The following MARCHF3 variants were observed in gnomAD, a reference collection of about 807,000 sequenced individuals.
The protein encoded by MARCHF3 is membrane associated ring-CH-type finger 3.
Under a neutral mutation model 24.2 loss-of-function variants are expected in MARCHF3, and 13 were observed. That is an observed-to-expected ratio of 0.54 (90% CI 0.35 to 0.85). The LOEUF (loss-of-function observed/expected upper bound fraction) is 0.85. MARCHF3 is among the 40% of genes least tolerant of loss of function. The probability of loss-of-function intolerance (pLI) is 0.01; values close to 1 mark genes in which losing one functional copy is unlikely to be tolerated. For synonymous variants in MARCHF3, 144 were observed against 137.3 expected (o/e 1.05, Z -0.34); for missense variants, 276 against 325.0 (o/e 0.85, Z 1.16).
intron 1 of MARCHF3, among the ~76,000 whole-genome samples, chr5:126,974,871 T>C (rs1751142674): frequency 6.6e-6 from 1 of 152,242 alleles, no homozygotes; most frequent in Non-Finnish European, 1.5e-5. Flanking sequence ...TGAGAAGCTA[T>C]GTAAGTTACA....
At chr5:126,877,068 C>T (rs1166528283) in intron 4 of MARCHF3, among the ~76,000 whole-genome samples, 1 of 152,200 alleles carries the variant, frequency 6.6e-6, no homozygotes, top group Non-Finnish European at 1.5e-5. Flanking sequence ...AGAACACTCC[C>T]TCTTTACTGA....
intron 1 of MARCHF3, among the ~76,000 whole-genome samples, chr5:126,992,857 C>T (rs1751818660): frequency 2.0e-5 from 3 of 150,552 alleles, no homozygotes; most frequent in East Asian, 3.9e-4. Flanking sequence ...CTGCAACCTC[C>T]GCCTTCCGGG....
chr5:127,008,875 TA>T (rs1172255707), intron 1 of MARCHF3, among the ~76,000 whole-genome samples: 1 of 147,460 alleles, frequency 6.8e-6, no homozygotes, highest in African/African-American at 2.5e-5. Context: ...GTTATCTCTT[TA>T]AAAAATTTAT....
At chr5:126,963,309 T>G (rs1042202841) in intron 1 of MARCHF3, among the ~76,000 whole-genome samples, 1 of 152,176 alleles carries the variant, frequency 6.6e-6, no homozygotes, top group Non-Finnish European at 1.5e-5. Context: ...ATACAATTCT[T>G]CTTTAAAAGA....
intron 1 of MARCHF3, among the ~76,000 whole-genome samples, chr5:126,977,997 TATTCTCTG>T (rs1561456088): frequency 6.6e-6 from 1 of 152,206 alleles, no homozygotes; most frequent in Non-Finnish European, 1.5e-5. Flanking sequence ...GAGGGAGCTA[TATTCTCTG>T]AATTAGCACA....
intron 1 of MARCHF3, among the ~76,000 whole-genome samples, chr5:126,956,209 G>A (rs931759043): frequency 1.3e-5 from 2 of 152,040 alleles, no homozygotes; most frequent in East Asian, 1.9e-4. Context: ...CATCTGTACC[G>A]CAACCTAACG....
chr5:126,929,988 A>G (rs1158591740), intron 1 of MARCHF3, among the ~76,000 whole-genome samples: 3 of 152,178 alleles, frequency 2.0e-5, no homozygotes, highest in Non-Finnish European at 4.4e-5. Context: ...CTATGAGTCC[A>G]TTAAAGCTCT....
At chr5:126,988,306 G>A (rs935940250) in intron 1 of MARCHF3, among the ~76,000 whole-genome samples, 2 of 152,064 alleles carry the variant, frequency 1.3e-5, no homozygotes, top group Non-Finnish European at 1.5e-5. Context: ...ACAGGAAACC[G>A]GATCTACATA....
intron 3 of MARCHF3, among the ~76,000 whole-genome samples, chr5:126,907,571 G>C (rs953284949): frequency 2.6e-5 from 4 of 151,688 alleles, no homozygotes; most frequent in African/African-American, 9.7e-5. Flanking sequence ...TTACCATTAA[G>C]TAATGGCCTT....
chr5:126,897,082 T>C (rs1199772710), intron 3 of MARCHF3, among the ~76,000 whole-genome samples: 8 of 142,760 alleles, frequency 5.6e-5, no homozygotes. Context: ...TTTTGTTGCC[T>C]GGACTGGAGT....
chr5:126,991,478 C>T (rs1047279432), intron 1 of MARCHF3, among the ~76,000 whole-genome samples: 4 of 152,172 alleles, frequency 2.6e-5, no homozygotes, highest in African/African-American at 7.2e-5. Flanking sequence ...AGCAAACCAA[C>T]ATGGCACATG....
intron 3 of MARCHF3, among the ~76,000 whole-genome samples, chr5:126,909,839 T>C (rs934377305): frequency 5.9e-5 from 9 of 152,140 alleles, no homozygotes; most frequent in African/African-American, 1.9e-4. Context: ...TTTAAAACCA[T>C]TGTCCTCCAG....
Position 126,915,134 on chromosome 5 carries a change from G to T in MARCHF3, c.189C>A (p.Ser63Arg). 6.2e-7 allele frequency: 1 copy of T among 1,613,090 alleles called. No individual in the cohort carries two copies. ...TGCACATCGGCCGGTCATTGAAGGG[G>T]CTGCAAGAGAAGGAGGGGCACCTGC... ...STVVRTLATQ[S>R]PFNDRPMCRI... Residue 63 changes from serine to arginine, a missense_variant and splice_region_variant, in exon 3 of 5, where the codon AGC (serine) becomes AGA (arginine). Physicochemically the swap from Ser to Arg is moderately radical, Grantham distance 110. Coordinates refer to ENST00000308660, the MANE Select transcript of MARCHF3 (RefSeq NM_178450.5).
At position 126,962,834 on chromosome 5, in the gene MARCHF3, C is replaced by T. The variant is rs72780300; in HGVS notation, c.-56-44607G>A. Among the ~76,000 whole-genome samples the T allele has an allele frequency of 1.2e-3, 178 of 147,242 alleles. 1 individual carries two copies. Among genetic ancestry groups the T allele is most frequent in the East Asian group, 3.6e-3 (18 of 4,968 alleles). ...CAACCTGTGTGTGTGTGTGTGTGTG[C>T]GTGTGTGTGTGTGTGTGTGTGTGTA... is the stretch of plus-strand genomic sequence containing the variant. On this transcript the variant is annotated intron_variant, in intron 1 of 4. Coordinates refer to ENST00000308660, the MANE Select transcript of MARCHF3 (RefSeq NM_178450.5).
chr5:126,937,912 T>C (rs1285112765), intron 1 of MARCHF3, among the ~76,000 whole-genome samples: 1 of 152,174 alleles, frequency 6.6e-6, no homozygotes, highest in African/African-American at 2.4e-5. Flanking sequence ...CTAATAACAC[T>C]GAGTAGGAGT....
intron 3 of MARCHF3, among the ~76,000 whole-genome samples, chr5:126,914,415 T>A (rs534800021): frequency 5.3e-5 from 8 of 152,162 alleles, no homozygotes; most frequent in Non-Finnish European, 1.2e-4. Context: ...ATTTCCTTAA[T>A]CCTTATAGTA....
At chr5:126,972,545 C>T (rs1751053917) in intron 1 of MARCHF3, among the ~76,000 whole-genome samples, 2 of 152,114 alleles carry the variant, frequency 1.3e-5, no homozygotes, top group South Asian at 2.1e-4. Context: ...ACCCAGGCCT[C>T]GGGTGTGCCA....
chr5:127,030,103 T>G (rs1219655048), intron 1 of MARCHF3: 3 of 152,054 alleles, frequency 2.0e-5, no homozygotes, highest in Non-Finnish European at 4.4e-5. Context: ...CGGCCCCACC[T>G]ACCCATGTCA....
chr5:126,881,750 G>A (rs1477692529), intron 3 of MARCHF3, among the ~76,000 whole-genome samples: 1 of 152,088 alleles, frequency 6.6e-6, no homozygotes, highest in African/African-American at 2.4e-5. Flanking sequence ...GGCATTGTGA[G>A]TGGTTTAAAA....
Sources: gnomAD v4.1 joint callset for allele counts (sites outside exome capture counted in the v4.1 genomes callset) on GRCh38, gnomAD v4.1.1 for gene constraint, MANE v1.5 for transcripts, NCBI Gene and HGNC (gene_info 2026-07-23, HGNC 2026-07-21) for gene names.